OXR1: variants seen among roughly 807,000 people sequenced by gnomAD.
The protein encoded by OXR1 is oxidation resistance protein 1.
A neutral mutation model predicts 104.6 loss-of-function variants in OXR1; 41 were observed. That is an observed-to-expected ratio of 0.39 (90% confidence interval 0.31 to 0.51). OXR1 has a LOEUF of 0.51. OXR1 is among the 20% of genes least tolerant of loss of function. OXR1 has a pLI of 0.77. For missense variants in OXR1, 955 were observed against 1,031.9 expected (o/e 0.93, Z 1.02); for synonymous variants, 348 against 348.4 (o/e 1.00, Z 0.01).
chr8:106,693,166 A>G (rs1015306700), intron 7 of OXR1, among the ~76,000 whole-genome samples: 1 of 152,208 alleles, frequency 6.6e-6, no homozygotes, highest in East Asian at 1.9e-4. Context: ...GACTGCTGCC[A>G]GGTACTGTGT....
intron 7 of OXR1, chr8:106,697,307 C>G: frequency 1.2e-6 from 1 of 810,878 alleles, no homozygotes; most frequent in Non-Finnish European, 2.0e-6. Flanking sequence ...GAACCCCTCA[C>G]CCTGACAGAA....
intron 11 of OXR1, among the ~76,000 whole-genome samples, chr8:106,736,830 C>A (rs943286052): frequency 2.0e-5 from 3 of 151,126 alleles, no homozygotes; most frequent in Non-Finnish European, 4.4e-5. Flanking sequence ...ACAGTAAAAA[C>A]CATAAAGAAA....
intron 3 of OXR1, among the ~76,000 whole-genome samples, chr8:106,600,285 G>A (rs894777209): frequency 2.6e-5 from 4 of 152,198 alleles, no homozygotes; most frequent in Non-Finnish European, 5.9e-5. Flanking sequence ...AATAAATGTT[G>A]TGCCTTCCAT....
At chr8:106,447,986 C>T (rs1359096273) in intron 2 of OXR1, 4 of 1,534,092 alleles carry the variant, frequency 2.6e-6, no homozygotes, top group Non-Finnish European at 3.5e-6. Flanking sequence ...CCCCGGCTCC[C>T]ACACAGCTAT....
chr8:106,306,623 A>G (rs568894435), intron 1 of OXR1, among the ~76,000 whole-genome samples: 1 of 152,302 alleles, frequency 6.6e-6, no homozygotes, highest in East Asian at 1.9e-4. Flanking sequence ...ATACACAAAA[A>G]CATGGATGTC....
intron 3 of OXR1, among the ~76,000 whole-genome samples, chr8:106,639,681 T>C (rs1276736603): frequency 6.6e-6 from 1 of 152,102 alleles, no homozygotes; most frequent in East Asian, 1.9e-4. Context: ...TTGGCTAAGA[T>C]TGGGTAAGGA....
intron 9 of OXR1, among the ~76,000 whole-genome samples, chr8:106,709,502 A>C (rs1209752897): frequency 6.6e-6 from 1 of 151,976 alleles, no homozygotes; most frequent in Non-Finnish European, 1.5e-5. Flanking sequence ...ATCTTTGACT[A>C]CATCTGATAG....
At chr8:106,307,266 G>A (rs1813501657) in intron 1 of OXR1, among the ~76,000 whole-genome samples, 1 of 152,138 alleles carries the variant, frequency 6.6e-6, no homozygotes, top group Non-Finnish European at 1.5e-5. Context: ...ATATGTTACT[G>A]TGTATACACA....
chr8:106,318,001 A>T (rs573220142), intron 1 of OXR1, among the ~76,000 whole-genome samples: 1 of 152,182 alleles, frequency 6.6e-6, no homozygotes, highest in Non-Finnish European at 1.5e-5. Flanking sequence ...AGATAAAATT[A>T]ATATATTCCT....
intron 2 of OXR1, among the ~76,000 whole-genome samples, chr8:106,376,526 A>G (rs889963549): frequency 6.6e-6 from 1 of 151,456 alleles, no homozygotes; most frequent in Non-Finnish European, 1.5e-5. Context: ...TTGGCCTAAG[A>G]CTTCAAAATG....
intron 7 of OXR1, among the ~76,000 whole-genome samples, chr8:106,700,530 C>G (rs540333101): frequency 6.6e-6 from 1 of 152,172 alleles, no homozygotes; most frequent in South Asian, 2.1e-4. Flanking sequence ...AGGGAGATTC[C>G]TGGAAAGTAA....
In OXR1 at chr8:106,512,326, T is replaced by C. The variant is rs192417930; in HGVS notation, c.24-6617T>C. Reference sequence around the variant, plus strand: ...GGGATATATGGAAATGTGAGTTGTATATGCTAATTTTATACTGCTTTAAAT... The same window carrying C: ...GGGATATATGGAAATGTGAGTTGTACATGCTAATTTTATACTGCTTTAAAT... On this transcript the variant is annotated intron_variant, in intron 2 of 16. Transcript: ENST00000517566. Among the ~76,000 whole-genome samples the C allele has an allele frequency of 1.2e-3, 180 of 152,330 alleles. 3 individuals carry two copies. Among genetic ancestry groups the C allele is most frequent in the Admixed American group, 9.9e-3 (151 of 15,290 alleles).
chr8:106,615,575 T>C lies in OXR1; in HGVS notation c.221-63635T>C, dbSNP rs188682145. ...GTAAGCCGAGATCAGACTGCTGCAC[T>C]CCACTCTTGGCAACAGAGACAGAAT... On this transcript the variant is annotated intron_variant, in intron 3 of 16. Coordinates refer to ENST00000517566, the MANE Select transcript of OXR1 (RefSeq NM_001198533.2). Among the ~76,000 whole-genome samples, 999 of 140,066 alleles carry C rather than the reference T, an allele frequency of 7.1e-3. 36 individuals carry two copies. The highest frequency in any genetic ancestry group is 0.063 in the Admixed American group (837 of 13,318). 91.9% of individuals were successfully genotyped at this position (140,066 alleles called of 152,430 possible).
chr8:106,605,685 G>A (rs34566529), intron 3 of OXR1, among the ~76,000 whole-genome samples: 29,093 of 150,098 alleles, frequency 0.19, 3,086 homozygotes, highest in East Asian at 0.38. Flanking sequence ...TGTAATCCCA[G>A]CTACTCAGGA....
At chr8:106,740,152 A>G in intron 13 of OXR1, 191 bp from the exon 14 acceptor site, 1 of 484,434 alleles carries the variant, frequency 2.1e-6, no homozygotes, top group Non-Finnish European at 3.6e-6. Flanking sequence ...CTAATAGACA[A>G]TTAATATTTT....
At chr8:106,580,205 G>A (rs1458020426) in intron 3 of OXR1, among the ~76,000 whole-genome samples, 1 of 152,156 alleles carries the variant, frequency 6.6e-6, no homozygotes, top group Non-Finnish European at 1.5e-5. Flanking sequence ...GAACTGTTTT[G>A]GTTTTGTGAA....
rs537859684 is a variant in OXR1, at chr8:106,655,679, C to G, written c.221-23531C>G. ...CATGTTCAAGTGATGAATTTGGTAACTTTAGGATAATGATGACAGTTCAGA... is the reference window on the plus strand; with the variant it reads ...CATGTTCAAGTGATGAATTTGGTAAGTTTAGGATAATGATGACAGTTCAGA... On this transcript the variant is annotated intron_variant, in intron 3 of 16. Coordinates refer to ENST00000517566, the MANE Select transcript of OXR1 (RefSeq NM_001198533.2). Among the ~76,000 whole-genome samples the G allele has an allele frequency of 2.6e-5, 4 of 152,164 alleles. No individual in the cohort carries two copies. In the South Asian group the frequency reaches 8.3e-4, roughly 32 times the overall value.
chr8:106,476,400 G>T (rs754224050), intron 2 of OXR1, among the ~76,000 whole-genome samples: 3 of 151,914 alleles, frequency 2.0e-5, no homozygotes, highest in Non-Finnish European at 4.4e-5. Flanking sequence ...CTGTTGTGCA[G>T]CCAAAAGACT....
intron 16 of OXR1, among the ~76,000 whole-genome samples, chr8:106,747,556 A>T (rs530963911): frequency 4.9e-4 from 75 of 152,294 alleles, no homozygotes; most frequent in African/African-American, 1.8e-3. Flanking sequence ...AGTCGTATGA[A>T]TCATCTTTGA....
Sources: gnomAD v4.1 joint callset for allele counts (sites outside exome capture counted in the v4.1 genomes callset) on GRCh38, gnomAD v4.1.1 for gene constraint, MANE v1.5 for transcripts, NCBI Gene and HGNC (gene_info 2026-07-23, HGNC 2026-07-21) for gene names.